The following ST6GALNAC3 variants were observed in gnomAD, a reference collection of about 807,000 sequenced individuals.
ST6GALNAC3 encodes ST6 N-acetylgalactosaminide alpha-2,6-sialyltransferase 3, also known as alpha-N-acetylgalactosaminide alpha-2,6-sialyltransferase 3.
In ST6GALNAC3, 25 loss-of-function variants were observed where a neutral mutation model predicts 32.7. The observed-to-expected ratio is 0.76, with a 90% CI of 0.56 to 1.07. ST6GALNAC3 has a LOEUF of 1.07. ST6GALNAC3 is among the 50% of genes least tolerant of loss of function. ST6GALNAC3 has a pLI of 0.00. For missense variants in ST6GALNAC3, 355 were observed against 382.4 expected, an observed-to-expected ratio of 0.93 and a Z score of 0.60; for synonymous variants, 129 against 133.1, an observed-to-expected ratio of 0.97 and a Z score of 0.21.
intron 3 of ST6GALNAC3, among the ~76,000 whole-genome samples, chr1:76,478,925 G>C (rs1272411181): frequency 6.6e-6 from 1 of 151,600 alleles, no homozygotes; most frequent in Non-Finnish European, 1.5e-5. Flanking sequence ...ACCACGCCCG[G>C]CTAATTTTTT....
chr1:76,086,857 A>G (rs1182493866), intron 1 of ST6GALNAC3, among the ~76,000 whole-genome samples: 3 of 152,110 alleles, frequency 2.0e-5, no homozygotes, highest in African/African-American at 7.2e-5. Context: ...GGCTGACTAC[A>G]CTACTACTTG....
intron 3 of ST6GALNAC3, among the ~76,000 whole-genome samples, chr1:76,517,350 T>A (rs1662234521): frequency 6.6e-6 from 1 of 152,024 alleles, no homozygotes; most frequent in South Asian, 2.1e-4. Flanking sequence ...TTCTAGTCAA[T>A]ATGACTTTTT....
chr1:76,581,284 T>C lies in ST6GALNAC3; in HGVS notation c.624-46168T>C, dbSNP rs540337576. 1.1e-3 allele frequency among the ~76,000 whole-genome samples: 173 copies of C among 152,274 alleles called. 2 individuals are homozygous for C. Among genetic ancestry groups the C allele is most frequent in the African/African-American group, 3.9e-3 (161 of 41,580 alleles). ...TTTTTACTAAGGAATGTTGATTTTC[T>C]AGATACATCACTGCAGGATGGAGTC... On this transcript the variant is annotated intron_variant, in intron 3 of 4. Transcript: ENST00000328299.
intron 1 of ST6GALNAC3, among the ~76,000 whole-genome samples, chr1:76,129,838 C>T (rs541415754): frequency 5.3e-5 from 8 of 152,246 alleles, no homozygotes; most frequent in East Asian, 1.9e-4. Context: ...AATCCATGGC[C>T]GGGTGTTAAA....
chr1:76,346,008 T>A (rs12145584), intron 2 of ST6GALNAC3, among the ~76,000 whole-genome samples: 31,885 of 151,278 alleles, frequency 0.21, 4,092 homozygotes, highest in African/African-American at 0.36. Flanking sequence ...CCACCCCCTA[T>A]AAAATGTCAG....
chr1:76,385,725 C>T (rs553385497), intron 2 of ST6GALNAC3, among the ~76,000 whole-genome samples: 2 of 151,908 alleles, frequency 1.3e-5, no homozygotes, highest in East Asian at 1.9e-4. Context: ...TTCTGGACAG[C>T]GAGAAGGGAA....
intron 2 of ST6GALNAC3, among the ~76,000 whole-genome samples, chr1:76,390,946 A>ATTTT (rs58114434): frequency 5.8e-5 from 7 of 120,984 alleles, no homozygotes; most frequent in East Asian, 2.3e-4. Flanking sequence ...ATATATATGT[A>ATTTT]TTTTTTTTTT....
chr1:76,146,703 T>TA (rs1302385320), intron 1 of ST6GALNAC3, among the ~76,000 whole-genome samples: 8 of 152,210 alleles, frequency 5.3e-5, no homozygotes, highest in Non-Finnish European at 7.4e-5. Flanking sequence ...CCCTCACCGC[T>TA]AAAAAAAATT....
Position 76,224,298 on chromosome 1 carries a change from C to A in ST6GALNAC3, c.19-89507C>A, listed in dbSNP as rs114025242. Among the ~76,000 whole-genome samples the A allele has an allele frequency of 1.5e-3, 226 of 152,294 alleles. 1 individual carries two copies. The Middle Eastern group carries it at 0.017, about 12-fold the overall frequency. ...CTTTATAACACTCATCACCTCTCCC[C>A]ACTAAGTTTGTGGACAAGGAATGTA... On this transcript the variant is annotated intron_variant, in intron 1 of 4. Coordinates refer to ENST00000328299, the MANE Select transcript of ST6GALNAC3 (RefSeq NM_152996.4).
intron 3 of ST6GALNAC3, among the ~76,000 whole-genome samples, chr1:76,454,410 T>C (rs2101568160): frequency 6.6e-6 from 1 of 152,260 alleles, no homozygotes; most frequent in African/African-American, 2.4e-5. Flanking sequence ...AGGTTCTATT[T>C]TGGTGTGTTT....
intron 2 of ST6GALNAC3, among the ~76,000 whole-genome samples, chr1:76,330,388 C>T (rs574092038): frequency 6.6e-6 from 1 of 152,198 alleles, no homozygotes; most frequent in African/African-American, 2.4e-5. Context: ...AAACTCCTCA[C>T]CTCATGATCC....
chr1:76,496,365 G>A (rs1036037685), intron 3 of ST6GALNAC3, among the ~76,000 whole-genome samples: 3 of 152,172 alleles, frequency 2.0e-5, no homozygotes, highest in South Asian at 2.1e-4. Context: ...GGAAGCACTT[G>A]AACCCATACC....
intron 3 of ST6GALNAC3, among the ~76,000 whole-genome samples, chr1:76,534,638 C>T (rs1371657495): frequency 6.6e-6 from 1 of 152,208 alleles, no homozygotes; most frequent in African/African-American, 2.4e-5. Flanking sequence ...AACACTACTT[C>T]TGTAGATGTT....
At chr1:76,396,521 T>C (rs1652971965) in intron 2 of ST6GALNAC3, among the ~76,000 whole-genome samples, 1 of 152,144 alleles carries the variant, frequency 6.6e-6, no homozygotes, top group Non-Finnish European at 1.5e-5. Flanking sequence ...TTCTTCTTTC[T>C]ACAGCCCTTT....
chr1:76,593,838 T>G (rs866550579), intron 3 of ST6GALNAC3, among the ~76,000 whole-genome samples: 16 of 152,250 alleles, frequency 1.1e-4, no homozygotes, highest in Middle Eastern at 3.4e-3. Context: ...GGTTTCAGTA[T>G]GATGTAAGAA....
At chr1:76,554,448 C>T (rs1209660259) in intron 3 of ST6GALNAC3, among the ~76,000 whole-genome samples, 1 of 152,066 alleles carries the variant, frequency 6.6e-6, no homozygotes, top group Non-Finnish European at 1.5e-5. Context: ...GATGAAATAA[C>T]TAATGAGGAC....
intron 1 of ST6GALNAC3, among the ~76,000 whole-genome samples, chr1:76,099,839 G>A (rs950829802): frequency 2.6e-5 from 4 of 151,948 alleles, no homozygotes; most frequent in African/African-American, 7.3e-5. Context: ...CCATAGATTC[G>A]TTTAGGAAGG....
At chr1:76,578,090 G>T (rs932192699) in intron 3 of ST6GALNAC3, among the ~76,000 whole-genome samples, 4 of 151,914 alleles carry the variant, frequency 2.6e-5, no homozygotes, top group African/African-American at 9.7e-5. Context: ...AAAACCTTTT[G>T]TCCATTTGAA....
intron 2 of ST6GALNAC3, among the ~76,000 whole-genome samples, chr1:76,365,281 C>T (rs1332734475): frequency 6.6e-6 from 1 of 151,958 alleles, no homozygotes; most frequent in Non-Finnish European, 1.5e-5. Context: ...CAGTGGGTAC[C>T]CATGGACATA....
Sources: gnomAD v4.1 joint callset for allele counts (sites outside exome capture counted in the v4.1 genomes callset) on GRCh38, gnomAD v4.1.1 for gene constraint, MANE v1.5 for transcripts, NCBI Gene and HGNC (gene_info 2026-07-23, HGNC 2026-07-21) for gene names.